The following TSEN15 variants were observed in gnomAD, a reference collection of about 807,000 sequenced individuals.
TSEN15 encodes the protein tRNA splicing endonuclease subunit 15, also known as tRNA-splicing endonuclease subunit Sen15.
TSEN15 carries 10 observed loss-of-function variants against 20.5 expected under a neutral mutation model. The ratio of observed to expected loss-of-function variants is 0.49; its 90% CI spans 0.30 to 0.83. TSEN15 has a LOEUF of 0.83. TSEN15 is among the 40% of genes least tolerant of loss of function. The probability of loss-of-function intolerance (pLI) is 0.06; values close to 1 mark genes in which losing one functional copy is unlikely to be tolerated. For synonymous variants in TSEN15, 72 were observed against 80.1 expected (o/e 0.90, Z 0.54); for missense variants, 180 against 218.6 (o/e 0.82, Z 1.11).
chr1:184,054,916 CATT>C (rs1650192591), intron 3 of TSEN15, 53 bp downstream of exon 3: 2 of 1,564,312 alleles, frequency 1.3e-6, no homozygotes, highest in Admixed American at 1.9e-5. Context: ...CAGTAGGAAA[CATT>C]AAACATAGTG....
At chr1:184,061,499 A>C (rs951365969) in intron 3 of TSEN15, among the ~76,000 whole-genome samples, 20 of 152,272 alleles carry the variant, frequency 1.3e-4, no homozygotes, top group Admixed American at 6.5e-4. Flanking sequence ...GAAGGAGACA[A>C]ATTTTATAAT....
chr1:184,078,928 A>G (rs955050868), downstream of TSEN15, among the ~76,000 whole-genome samples: 9 of 152,082 alleles, frequency 5.9e-5, no homozygotes, highest in African/African-American at 1.7e-4. Flanking sequence ...TGCAGCCCCT[A>G]GCAGAAGGCC....
At chr1:184,096,105 G>A (rs1028120577) in exon 4 of TSEN15, 4 of 206,790 alleles carry the variant, frequency 1.9e-5, no homozygotes, top group African/African-American at 9.2e-5. Flanking sequence ...AGAAATTGAG[G>A]GCACTCGAAA....
chr1:184,067,267 G>A (rs539318942), intron 3 of TSEN15, among the ~76,000 whole-genome samples: 1 of 152,174 alleles, frequency 6.6e-6, no homozygotes, highest in Non-Finnish European at 1.5e-5. Context: ...TTACCACTCT[G>A]GCTTAAGCTG....
chr1:184,065,529 C>T, intron 3 of TSEN15, among the ~76,000 whole-genome samples: 1 of 152,070 alleles, frequency 6.6e-6, no homozygotes, highest in African/African-American at 2.4e-5. Flanking sequence ...CTTTCTTCAC[C>T]CCCAAACACA....
At chr1:184,083,110 G>C (rs1240241878) in intron 3 of TSEN15, among the ~76,000 whole-genome samples, 1 of 152,124 alleles carries the variant, frequency 6.6e-6, no homozygotes, top group African/African-American at 2.4e-5. Context: ...ATACAGAGTA[G>C]AAGCTCAATA....
At chr1:184,086,113 T>C (rs1403049964) in intron 3 of TSEN15, among the ~76,000 whole-genome samples, 1 of 152,250 alleles carries the variant, frequency 6.6e-6, no homozygotes, top group African/African-American at 2.4e-5. Flanking sequence ...TTCTGCCATG[T>C]GTATTTATCA....
At chr1:184,063,555 T>C (rs867166287) in intron 3 of TSEN15, among the ~76,000 whole-genome samples, 2 of 152,190 alleles carry the variant, frequency 1.3e-5, no homozygotes, top group Non-Finnish European at 2.9e-5. Context: ...TTTCCCTCAA[T>C]GTTGTTTTCA....
chr1:184,082,104 G>A (rs925950444), intron 3 of TSEN15, among the ~76,000 whole-genome samples: 1 of 152,158 alleles, frequency 6.6e-6, no homozygotes, highest in African/African-American at 2.4e-5. Flanking sequence ...ATGGATAGTT[G>A]TTTATGTGGG....
chr1:184,083,815 A>G (rs1044222563), intron 3 of TSEN15, among the ~76,000 whole-genome samples: 8 of 152,150 alleles, frequency 5.3e-5, no homozygotes, highest in African/African-American at 1.7e-4. Context: ...TGCAGATACT[A>G]TCTGTGATCC....
intron 3 of TSEN15, among the ~76,000 whole-genome samples, chr1:184,089,144 A>G (rs990966775): frequency 9.2e-5 from 14 of 152,242 alleles, no homozygotes; most frequent in African/African-American, 3.1e-4. Flanking sequence ...ACTTCACAAA[A>G]TATCAATTTT....
chr1:184,067,583 T>C (rs1650716304), intron 3 of TSEN15, among the ~76,000 whole-genome samples: 1 of 152,056 alleles, frequency 6.6e-6, no homozygotes, highest in African/African-American at 2.4e-5. Flanking sequence ...CATAAGAATA[T>C]ACTATAAGCA....
intron 3 of TSEN15, among the ~76,000 whole-genome samples, chr1:184,082,795 A>G (rs577110189): frequency 1.3e-5 from 2 of 152,254 alleles, no homozygotes; most frequent in Admixed American, 6.5e-5. Flanking sequence ...TGTTTTTGCC[A>G]AGATTTTAGA....
chr1:184,087,060 G>C (rs753111068), intron 3 of TSEN15, among the ~76,000 whole-genome samples: 12 of 152,174 alleles, frequency 7.9e-5, no homozygotes, highest in Non-Finnish European at 1.3e-4. Flanking sequence ...GTAGGAAACT[G>C]TCAGTCATTT....
downstream of TSEN15, among the ~76,000 whole-genome samples, chr1:184,078,651 T>C (rs575765060): frequency 3.3e-5 from 5 of 152,322 alleles, no homozygotes; most frequent in African/African-American, 9.6e-5. Flanking sequence ...TGAGACTCTT[T>C]AGAAGAATAT....
chr1:184,070,840 A>G, intron 3 of TSEN15: 2 of 250,352 alleles, frequency 8.0e-6, no homozygotes, highest in South Asian at 1.8e-4. Context: ...GCAGTTCAGC[A>G]TAGGTGGAAA....
At chr1:184,086,384 G>A (rs1177510651) in intron 3 of TSEN15, among the ~76,000 whole-genome samples, 1 of 152,146 alleles carries the variant, frequency 6.6e-6, no homozygotes, top group Admixed American at 6.6e-5. Flanking sequence ...GGTGGAAGTT[G>A]GGGTGGGGAA....
rs182976621 is a variant in TSEN15, at chr1:184,094,621, C to T, written c.354-1069C>T. 479 of 160,938 alleles carry T rather than the reference C, an allele frequency of 3.0e-3. 8 individuals carry two copies. The South Asian group carries it at 0.037, about 13-fold the overall frequency. The allele number at this position is 160,938 out of a possible 1,614,324, so 10.0% of individuals were successfully genotyped here. On this transcript the variant is annotated intron_variant, in intron 3 of 3. Coordinates refer to the TSEN15 transcript ENST00000643231. ...AGCATTGACAGGGTCTGTGATACAC[C>T]CTTTAGCATAATTCTGTGCCATAGC...
chr1:184,079,333 TTATC>T (rs1478892531), intron 3 of TSEN15, among the ~76,000 whole-genome samples: 3 of 152,182 alleles, frequency 2.0e-5, no homozygotes, highest in Non-Finnish European at 4.4e-5. Flanking sequence ...TAAAGGTTAT[TTATC>T]AGTTTATCTT....
Sources: allele counts gnomAD v4.1 joint callset (sites outside exome capture counted in the v4.1 genomes callset), GRCh38; gene constraint gnomAD v4.1.1; transcripts MANE v1.5; gene names NCBI Gene and HGNC (gene_info 2026-07-23, HGNC 2026-07-21).